ZNF14: variants seen among roughly 807,000 people sequenced by gnomAD.
ZNF14 encodes gonadotropin inducible transcription repressor-4.
In ZNF14, 9 loss-of-function variants were observed where a neutral mutation model predicts 11.3. That is an observed-to-expected ratio of 0.80 (90% CI 0.48 to 1.39). The LOEUF is 1.39. ZNF14 is among the 40% of genes most tolerant of loss of function. The pLI, the probability that ZNF14 is intolerant of heterozygous loss-of-function variation, is 0.00. For missense variants in ZNF14, 711 were observed against 763.9 expected, an observed-to-expected ratio of 0.93 and a Z score of 0.82; for synonymous variants, 239 against 245.7, an observed-to-expected ratio of 0.97 and a Z score of 0.25.
intron 1 of ZNF14, among the ~76,000 whole-genome samples, chr19:19,732,391 G>C (rs941574489): frequency 6.6e-6 from 1 of 152,156 alleles, no homozygotes; most frequent in Middle Eastern, 3.2e-3. Context: ...TTAAGATAAG[G>C]AGTCCCCTTC....
chr19:19,713,233 A>G (rs1460046277), intron 3 of ZNF14, 144 bp from the exon 4 acceptor site: 1 of 761,916 alleles, frequency 1.3e-6, no homozygotes, highest in African/African-American at 1.8e-5. Flanking sequence ...AATATATTCA[A>G]TGCTCTGGAA....
intron 1 of ZNF14, among the ~76,000 whole-genome samples, chr19:19,719,475 T>C (rs946644566): frequency 6.6e-6 from 1 of 152,178 alleles, no homozygotes. Flanking sequence ...TACTTTTTCA[T>C]GAGGTACTTG....
intron 1 of ZNF14, among the ~76,000 whole-genome samples, chr19:19,727,808 T>C (rs1401789568): frequency 7.5e-6 from 1 of 133,330 alleles, no homozygotes; most frequent in African/African-American, 2.8e-5. Flanking sequence ...ACTCAACCAA[T>C]GTATGTAGCT....
intron 1 of ZNF14, among the ~76,000 whole-genome samples, chr19:19,717,132 A>G (rs1419628264): frequency 6.6e-6 from 1 of 152,186 alleles, no homozygotes. Flanking sequence ...GTCAGATGCA[A>G]GCCACACGGT....
chr19:19,724,734 C>T (rs1264858214), intron 1 of ZNF14, among the ~76,000 whole-genome samples: 3 of 133,104 alleles, frequency 2.3e-5, no homozygotes, highest in African/African-American at 8.3e-5. Flanking sequence ...TTGTAGGTCT[C>T]TAAGGGCTTG....
In ZNF14 at chr19:19,720,112, C is replaced by T. The variant is rs2062388733; in HGVS notation, c.4-5625G>A. Among the ~76,000 whole-genome samples, 1 of 152,144 alleles carries T rather than the reference C, an allele frequency of 6.6e-6. No homozygotes were observed. The highest frequency in any genetic ancestry group is 1.9e-4 in the East Asian group (1 of 5,196). ...ACTGATGGAACGGCAGGGAGAACTG[C>T]ATGGAGCCATGAAGTATAGCTGGAG... On this transcript the variant is annotated intron_variant, in intron 1 of 3. Transcript: ENST00000344099. This position sits in a 1 kb window ranked among gnomAD's most constrained non-coding sequence, Gnocchi z 4.1.
chr19:19,711,434 T>G lies in ZNF14; in HGVS notation c.1847A>C (p.Glu616Ala). The G allele has an allele frequency of 6.2e-7, 1 of 1,608,582 alleles. No homozygotes were observed. Among genetic ancestry groups the G allele is most frequent in the Non-Finnish European group, 8.5e-7 (1 of 1,178,150 alleles). The change falls in exon 4 of 4, where the codon GAA becomes GCA. Residue 616 changes from glutamate (E) to alanine (A), a missense_variant. By Grantham distance (107) the Glu-to-Ala change is moderately radical. Transcript: ENST00000344099. Reference sequence around the variant, plus strand: ...GAAGGCTTTTCCACATTGTTTGCATTCATAAGGTTTCTCTCCAGTGTGAGA... The same window carrying G: ...GAAGGCTTTTCCACATTGTTTGCATGCATAAGGTTTCTCTCCAGTGTGAGA... ...ERSHTGEKPY[E>A]CKQCGKAFIS...
chr19:19,710,506 A>G lies in ZNF14; in HGVS notation c.*846T>C, dbSNP rs2062355493. ...AAAATTTTATTACTGGGCTGTTTAC[A>G]TGATACTTTCTTTCTTATTAAATAT... is the stretch of plus-strand genomic sequence containing the variant. On this transcript the variant is annotated 3_prime_UTR_variant, in exon 4 of 4. Transcript: ENST00000344099. 1 of 152,234 alleles carries G rather than the reference A, an allele frequency of 6.6e-6. No individual in the cohort carries two copies. The highest frequency in any genetic ancestry group is 2.1e-4 in the South Asian group (1 of 4,828). 9.4% of individuals were successfully genotyped at this position (152,234 alleles called of 1,614,324 possible).
intron 1 of ZNF14, among the ~76,000 whole-genome samples, chr19:19,730,505 G>A (rs1292146513): frequency 6.6e-6 from 1 of 152,140 alleles, no homozygotes; most frequent in African/African-American, 2.4e-5. Context: ...TTACAAGGTA[G>A]GCATCTTAAA....
rs1423586019 is a variant in ZNF14, at chr19:19,711,897, A to C, written c.1384T>G (p.Phe462Val). ...CGKAFRCSSY[F>V]RIHERSHTGE... is the part of the protein sequence containing the mutation. ...GTGTGTGACCTTTCATGAATTCGAA[A>C]ATAACTTGAACACCTGAAGGCTTTC... Residue 462 changes from phenylalanine to valine, a missense_variant, in exon 4 of 4, where the codon TTT becomes GTT. Physicochemically the swap from Phe to Val is conservative, Grantham distance 50. Transcript: ENST00000344099. The C allele has an allele frequency of 6.2e-7, 1 of 1,612,854 alleles. No individual in the cohort carries two copies. Among genetic ancestry groups the C allele is most frequent in the Admixed American group, 1.7e-5 (1 of 59,928 alleles).
At chr19:19,714,305 A>G (rs1310286788) in intron 2 of ZNF14, 56 bp downstream of exon 2, 2 of 1,607,098 alleles carry the variant, frequency 1.2e-6, no homozygotes, top group African/African-American at 1.3e-5. Flanking sequence ...GTTGAGCAAG[A>G]AACACTTGTT....
At chr19:19,729,193 G>A (rs1215523165) in intron 1 of ZNF14, among the ~76,000 whole-genome samples, 5 of 152,108 alleles carry the variant, frequency 3.3e-5, no homozygotes, top group African/African-American at 1.2e-4. Flanking sequence ...GGCCAGGCTG[G>A]TCTGGAACTC....
chr19:19,719,284 C>T (rs761755310), intron 1 of ZNF14, among the ~76,000 whole-genome samples: 5 of 151,982 alleles, frequency 3.3e-5, no homozygotes, highest in African/African-American at 4.8e-5. Context: ...AAAAGAAAAA[C>T]GATAAAGAAG....
intron 1 of ZNF14, among the ~76,000 whole-genome samples, chr19:19,717,115 C>T (rs1188256653): frequency 2.6e-5 from 4 of 152,166 alleles, no homozygotes; most frequent in African/African-American, 9.7e-5. Context: ...CACAAGACTG[C>T]CCCCATGTCA....
rs531135365 is a variant in ZNF14, at chr19:19,732,278, G to A, written c.3+678C>T. On this transcript the variant is annotated intron_variant, in intron 1 of 3. Coordinates refer to ENST00000344099, the MANE Select transcript of ZNF14 (RefSeq NM_021030.3). Reference sequence around the variant, plus strand: ...TAAAAATCGCACACATTCACGCAAGGGAACAAAATTACCCAGAGCGAAGGG... The same window carrying A: ...TAAAAATCGCACACATTCACGCAAGAGAACAAAATTACCCAGAGCGAAGGG... 3.2e-4 allele frequency among the ~76,000 whole-genome samples: 49 copies of A among 152,240 alleles called. 2 individuals are homozygous for A. The South Asian group carries it at 0.01, about 32-fold the overall frequency.
In ZNF14 at chr19:19,712,287, C is replaced by A. The variant is rs746682463; in HGVS notation, c.994G>T (p.Ala332Ser). Residue 332 changes from alanine to serine, a missense_variant, in exon 4 of 4, where the codon GCT becomes TCT. Ala to Ser is a moderately conservative substitution (Grantham distance 99). Coordinates refer to ENST00000344099, the MANE Select transcript of ZNF14 (RefSeq NM_021030.3). ...CATTCTTTACATTTATAAGGTCGAG[C>A]CCCAGTGTGTATTATTACATGTGCT... Reference protein sequence around the residue: ...FRAHVIIHTGARPYKCKECGK... With the variant: ...FRAHVIIHTGSRPYKCKECGK... 6.2e-7 allele frequency: 1 copy of A among 1,613,814 alleles called. No individual in the cohort carries two copies. The highest frequency in any genetic ancestry group is 8.5e-7 in the Non-Finnish European group (1 of 1,179,996).
In ZNF14 at chr19:19,712,047, T is replaced by C. The variant is rs1312702825; in HGVS notation, c.1234A>G (p.Thr412Ala). 1.2e-6 allele frequency: 2 copies of C among 1,613,968 alleles called. No homozygotes were observed. The highest frequency in any genetic ancestry group is 1.7e-6 in the Non-Finnish European group (2 of 1,179,986). Residue 412 changes from threonine (T) to alanine (A), a missense_variant, in exon 4 of 4, where the codon ACT becomes GCT. Physicochemically the swap from Thr to Ala is moderately conservative, Grantham distance 58. Transcript: ENST00000344099. ...FSSSLREHET[T>A]HTGEKPYECK... ...TCATAGGGTTTCTCTCCAGTGTGAG[T>C]TGTTTCGTGTTCTCGAAGGGAACTT... is the stretch of plus-strand genomic sequence containing the variant.
At chr19:19,724,046 T>A (rs1422726216) in intron 1 of ZNF14, among the ~76,000 whole-genome samples, 1 of 133,326 alleles carries the variant, frequency 7.5e-6, no homozygotes, top group African/African-American at 2.8e-5. Flanking sequence ...CTGGATTCAT[T>A]GATTTTTTGA....
chr19:19,733,024 C>A lies in ZNF14; in HGVS notation c.-66G>T. On this transcript the variant is annotated 5_prime_UTR_variant, in exon 1 of 4. Transcript: ENST00000344099. ...CTGTCAGTACCTGCAGGTCACGGCG[C>A]GACAAAGGATGCGCTAGAGCCACCT... The A allele has an allele frequency of 6.3e-7, 1 of 1,596,448 alleles. No individual in the cohort carries two copies. The highest frequency in any genetic ancestry group is 1.1e-5 in the South Asian group (1 of 89,340).
Sources: allele counts gnomAD v4.1 joint callset (sites outside exome capture counted in the v4.1 genomes callset), GRCh38; gene constraint gnomAD v4.1.1; non-coding constraint Gnocchi (gnomAD v3.1); transcripts MANE v1.5; gene names NCBI Gene and HGNC (gene_info 2026-07-23, HGNC 2026-07-21).